PRKN: variants seen among roughly 807,000 people sequenced by gnomAD.
The protein encoded by PRKN is parkin RBR E3 ubiquitin protein ligase.
Under a neutral mutation model 59.5 loss-of-function variants are expected in PRKN, and 56 were observed. The observed-to-expected ratio is 0.94, with a 90% CI of 0.76 to 1.18. PRKN has a LOEUF of 1.18. Ranked by LOEUF, PRKN falls within the 50% of genes most tolerant of loss-of-function variation. The probability of loss-of-function intolerance (pLI) is 0.00; values close to 1 mark genes in which losing one functional copy is unlikely to be tolerated. For synonymous variants in PRKN, 250 were observed against 222.1 expected (o/e 1.13, Z -1.12); for missense variants, 657 against 596.4 (o/e 1.10, Z -1.06).
chr6:162,409,172 T>A, intron 2 of PRKN, among the ~76,000 whole-genome samples: 1 of 137,286 alleles, frequency 7.3e-6, no homozygotes, highest in East Asian at 2.0e-4. Context: ...TTCTTTTGTA[T>A]TTTTTTTTTA....
chr6:161,695,062 CAGGCT>C (rs1785961862), intron 7 of PRKN, among the ~76,000 whole-genome samples: 1 of 152,156 alleles, frequency 6.6e-6, no homozygotes, highest in Non-Finnish European at 1.5e-5. Context: ...TGTGTAGTCA[CAGGCT>C]ACAGGCTCCC....
chr6:162,673,387 A>C (rs1206686028), intron 1 of PRKN, among the ~76,000 whole-genome samples: 1 of 152,198 alleles, frequency 6.6e-6, no homozygotes, highest in Non-Finnish European at 1.5e-5. Context: ...GAAGCAGTTT[A>C]CAACAAAGTA....
At chr6:162,503,590 A>G (rs997245105) in intron 1 of PRKN, among the ~76,000 whole-genome samples, 1 of 152,234 alleles carries the variant, frequency 6.6e-6, no homozygotes, top group African/African-American at 2.4e-5. Flanking sequence ...TAATCTAATA[A>G]AAGTATAACC....
chr6:162,287,295 G>T (rs893813710), intron 2 of PRKN, among the ~76,000 whole-genome samples: 1 of 152,282 alleles, frequency 6.6e-6, no homozygotes, highest in East Asian at 1.9e-4. Flanking sequence ...TGCCAGGCAT[G>T]GGGGTTCTCG....
intron 6 of PRKN, among the ~76,000 whole-genome samples, chr6:161,832,898 T>C (rs1174492084): frequency 1.3e-5 from 2 of 151,840 alleles, no homozygotes; most frequent in African/African-American, 4.8e-5. Flanking sequence ...CGACCAACTA[T>C]GACTCCAACC....
intron 10 of PRKN, among the ~76,000 whole-genome samples, chr6:161,367,618 C>T (rs967099886): frequency 1.3e-5 from 2 of 152,156 alleles, no homozygotes; most frequent in Non-Finnish European, 2.9e-5. Context: ...GTTCCTCAAA[C>T]GCTACTTGTG....
At chr6:162,453,470 G>A (rs377640759) in intron 1 of PRKN, among the ~76,000 whole-genome samples, 3 of 152,242 alleles carry the variant, frequency 2.0e-5, no homozygotes, top group East Asian at 3.9e-4. Flanking sequence ...ATAATAAGAC[G>A]TGTATACTGT....
chr6:162,443,507 T>C (rs1790163660), intron 1 of PRKN, 34 bp from the exon 2 acceptor site: 2 of 1,605,176 alleles, frequency 1.2e-6, no homozygotes, highest in South Asian at 2.2e-5. Flanking sequence ...GAAGAGAAAG[T>C]GAGCATCACT....
intron 7 of PRKN, among the ~76,000 whole-genome samples, chr6:161,727,217 G>A (rs1445844036): frequency 6.6e-6 from 1 of 152,120 alleles, no homozygotes; most frequent in African/African-American, 2.4e-5. Flanking sequence ...CAGTGGGGAG[G>A]AACAATCTCA....
chr6:162,717,801 G>A (rs771508982), intron 1 of PRKN, among the ~76,000 whole-genome samples: 26 of 152,192 alleles, frequency 1.7e-4, no homozygotes, highest in Non-Finnish European at 2.8e-4. Context: ...ACCAGAACAT[G>A]AGCATAGTAT....
At chr6:162,610,608 T>C (rs1249279454) in intron 1 of PRKN, among the ~76,000 whole-genome samples, 1 of 152,166 alleles carries the variant, frequency 6.6e-6, no homozygotes, top group Non-Finnish European at 1.5e-5. Context: ...GTGAAAAGTA[T>C]CCTAAGGCAT....
At chr6:161,997,643 C>G (rs1025671352) in intron 5 of PRKN, among the ~76,000 whole-genome samples, 3 of 152,108 alleles carry the variant, frequency 2.0e-5, no homozygotes, top group African/African-American at 7.2e-5. Flanking sequence ...TATCAGGCAC[C>G]TGCTATTCTG....
intron 10 of PRKN, among the ~76,000 whole-genome samples, chr6:161,375,556 C>T (rs908916778): frequency 1.3e-5 from 2 of 152,182 alleles, no homozygotes; most frequent in Admixed American, 6.5e-5. Flanking sequence ...TTACAAACGG[C>T]GAAACACACA....
chr6:161,420,021 G>A (rs10447367), intron 9 of PRKN, among the ~76,000 whole-genome samples: 4,342 of 151,958 alleles, frequency 0.029, 110 homozygotes, highest in Middle Eastern at 0.14. Flanking sequence ...GGCGGATCAC[G>A]AGGTCAAGAG....
At chr6:162,235,709 AG>A (rs1778626625) in intron 3 of PRKN, among the ~76,000 whole-genome samples, 1 of 151,902 alleles carries the variant, frequency 6.6e-6, no homozygotes, top group African/African-American at 2.4e-5. Context: ...AGGCTGAGGC[AG>A]GAGAACTGCT....
intron 6 of PRKN, among the ~76,000 whole-genome samples, chr6:161,869,654 A>T (rs4265013): frequency 0.32 from 49,082 of 152,020 alleles, 8,204 homozygotes; most frequent in African/African-American, 0.4. Context: ...TCACAACACA[A>T]ACATGCTGTC....
At chr6:162,679,996 T>C (rs1779709757) in intron 1 of PRKN, among the ~76,000 whole-genome samples, 1 of 152,200 alleles carries the variant, frequency 6.6e-6, no homozygotes, top group Non-Finnish European at 1.5e-5. Flanking sequence ...TCAATGTTAA[T>C]GTTAAAATAT....
chr6:162,619,738 G>A (rs979704989), intron 1 of PRKN, among the ~76,000 whole-genome samples: 19 of 150,208 alleles, frequency 1.3e-4, no homozygotes, highest in Middle Eastern at 3.2e-3. Flanking sequence ...ACACACTACC[G>A]CAGATAGGCA....
intron 4 of PRKN, among the ~76,000 whole-genome samples, chr6:162,077,982 C>CAG (rs1401005028): frequency 5.1e-5 from 7 of 136,466 alleles, no homozygotes; most frequent in African/African-American, 1.4e-4. Flanking sequence ...GCCTGGGCAA[C>CAG]AGAGAGAGAC....
Sources: gnomAD v4.1 joint callset for allele counts (sites outside exome capture counted in the v4.1 genomes callset) on GRCh38, gnomAD v4.1.1 for gene constraint, MANE v1.5 for transcripts, NCBI Gene and HGNC (gene_info 2026-07-23, HGNC 2026-07-21) for gene names.